CNTNAP2: variants seen among roughly 807,000 people sequenced by gnomAD.
The protein encoded by CNTNAP2 is contactin-associated protein-like 2.
In CNTNAP2, 98 loss-of-function variants were observed where a neutral mutation model predicts 155.2. The ratio of observed to expected loss-of-function variants is 0.63; its 90% CI spans 0.54 to 0.75. The LOEUF (loss-of-function observed/expected upper bound fraction) is 0.75. Ranked by LOEUF, CNTNAP2 falls within the 30% of genes least tolerant of loss-of-function variation. The pLI, the probability that CNTNAP2 is intolerant of heterozygous loss-of-function variation, is 0.00. For synonymous variants in CNTNAP2, 651 were observed against 631.2 expected, an observed-to-expected ratio of 1.03 and a Z score of -0.47; for missense variants, 1,727 against 1,688.1, an observed-to-expected ratio of 1.02 and a Z score of -0.40.
At chr7:146,859,147 G>A (rs950771713) in intron 3 of CNTNAP2, among the ~76,000 whole-genome samples, 2 of 152,182 alleles carry the variant, frequency 1.3e-5, no homozygotes, top group African/African-American at 4.8e-5. Flanking sequence ...GGTTACTTCA[G>A]CAGAGATTAG....
At chr7:147,978,090 A>G in intron 15 of CNTNAP2, 101 bp downstream of exon 15, 3 of 1,468,234 alleles carry the variant, frequency 2.0e-6, no homozygotes, top group Non-Finnish European at 2.8e-6. Context: ...GCTCTCCTGT[A>G]GCTCCTACAG....
At chr7:147,178,204 A>G (rs888051714) in intron 8 of CNTNAP2, among the ~76,000 whole-genome samples, 2 of 152,172 alleles carry the variant, frequency 1.3e-5, no homozygotes, top group Non-Finnish European at 2.9e-5. Context: ...GTGTCATCAC[A>G]TGAGTCCTTC....
At chr7:147,891,320 G>A (rs7786561) in intron 13 of CNTNAP2, among the ~76,000 whole-genome samples, 2,352 of 151,724 alleles carry the variant, frequency 0.016, 62 homozygotes, top group African/African-American at 0.051. Context: ...TTCTCCTTCC[G>A]CGGCCTCCCG....
intron 17 of CNTNAP2, among the ~76,000 whole-genome samples, chr7:148,162,935 G>A (rs2116676891): frequency 6.6e-6 from 1 of 152,374 alleles, no homozygotes; most frequent in Middle Eastern, 3.4e-3. Flanking sequence ...AGGAGGTCAA[G>A]GCTGCAGTGA....
intron 1 of CNTNAP2, among the ~76,000 whole-genome samples, chr7:146,395,456 T>TG (rs1304961167): frequency 2.0e-5 from 3 of 151,872 alleles, no homozygotes; most frequent in Non-Finnish European, 2.9e-5. Context: ...CTAAATAGTT[T>TG]TTTTTGTTGC....
At chr7:146,266,163 T>A (rs1249217493) in intron 1 of CNTNAP2, among the ~76,000 whole-genome samples, 2 of 152,166 alleles carry the variant, frequency 1.3e-5, no homozygotes, top group East Asian at 3.9e-4. Flanking sequence ...AAGGCTCCCT[T>A]TGGGACCTGG....
intron 13 of CNTNAP2, among the ~76,000 whole-genome samples, chr7:147,736,340 A>C (rs570128767): frequency 0.012 from 1,838 of 152,298 alleles, 47 homozygotes; most frequent in African/African-American, 0.041. Flanking sequence ...AAGAATGTTG[A>C]ATATTGGCCC....
At chr7:147,949,458 A>ATATATATATATATATATATATATAT (rs1433579404) in intron 14 of CNTNAP2, among the ~76,000 whole-genome samples, 15 of 137,404 alleles carry the variant, frequency 1.1e-4, no homozygotes, top group African/African-American at 1.6e-4. Context: ...ATATATATAT[A>ATATATATATATATATATATATATAT]TTTTTTTTTT....
At chr7:146,371,434 TC>T (rs1413858786) in intron 1 of CNTNAP2, among the ~76,000 whole-genome samples, 1 of 146,258 alleles carries the variant, frequency 6.8e-6, no homozygotes, top group Non-Finnish European at 1.5e-5. Context: ...AGTGGCATGA[TC>T]TCCGCTCACT....
At chr7:146,690,126 C>G (rs1208350809) in intron 1 of CNTNAP2, among the ~76,000 whole-genome samples, 1 of 151,862 alleles carries the variant, frequency 6.6e-6, no homozygotes, top group Non-Finnish European at 1.5e-5. Flanking sequence ...TCATGTGATT[C>G]CTATCTGCAA....
chr7:146,563,779 T>C (rs1159086293), intron 1 of CNTNAP2, among the ~76,000 whole-genome samples: 1 of 149,600 alleles, frequency 6.7e-6, no homozygotes, highest in Non-Finnish European at 1.5e-5. Flanking sequence ...ACAGAATCTT[T>C]CATTTCAGCC....
At chr7:147,934,152 A>T (rs1457643441) in intron 14 of CNTNAP2, among the ~76,000 whole-genome samples, 1 of 152,224 alleles carries the variant, frequency 6.6e-6, no homozygotes, top group Non-Finnish European at 1.5e-5. Context: ...ACAATACTGT[A>T]CACTTAAAAA....
At chr7:146,709,451 A>G (rs767868913) in intron 1 of CNTNAP2, among the ~76,000 whole-genome samples, 15 of 152,202 alleles carry the variant, frequency 9.9e-5, no homozygotes, top group Non-Finnish European at 1.8e-4. Flanking sequence ...ATTCAGAAGT[A>G]CAAGCCAGAA....
At chr7:147,430,361 A>T (rs1001036063) in intron 10 of CNTNAP2, among the ~76,000 whole-genome samples, 3 of 152,168 alleles carry the variant, frequency 2.0e-5, no homozygotes, top group African/African-American at 7.2e-5. Context: ...CAGAATTCCT[A>T]TTTAACTGGT....
chr7:147,078,800 A>T (rs899272812), intron 4 of CNTNAP2, among the ~76,000 whole-genome samples: 1 of 150,928 alleles, frequency 6.6e-6, no homozygotes, highest in Admixed American at 6.6e-5. Flanking sequence ...CCCAGGCTGG[A>T]GTGCAGTGGT....
At chr7:147,101,489 C>T (rs1584843497) in intron 4 of CNTNAP2, among the ~76,000 whole-genome samples, 1 of 152,246 alleles carries the variant, frequency 6.6e-6, no homozygotes, top group African/African-American at 2.4e-5. Context: ...TAAGTGTTAA[C>T]CAGTTCAGTG....
At chr7:146,632,831 C>G (rs1322274772) in intron 1 of CNTNAP2, among the ~76,000 whole-genome samples, 1 of 151,626 alleles carries the variant, frequency 6.6e-6, no homozygotes, top group African/African-American at 2.4e-5. Context: ...TTATAAAGAT[C>G]CTGAATTTAT....
chr7:146,289,619 C>T (rs548015615), intron 1 of CNTNAP2, among the ~76,000 whole-genome samples: 1 of 152,308 alleles, frequency 6.6e-6, no homozygotes, highest in South Asian at 2.1e-4. Context: ...CATGGGTACT[C>T]ATTATTAAAT....
intron 17 of CNTNAP2, among the ~76,000 whole-genome samples, chr7:148,171,895 G>C (rs148863610): frequency 6.6e-6 from 1 of 152,270 alleles, no homozygotes; most frequent in East Asian, 1.9e-4. Context: ...TACAGAACTC[G>C]ATGTTGTGAG....
Sources: allele counts gnomAD v4.1 joint callset (sites outside exome capture counted in the v4.1 genomes callset), GRCh38; gene constraint gnomAD v4.1.1; transcripts MANE v1.5; gene names NCBI Gene and HGNC (gene_info 2026-07-23, HGNC 2026-07-21).